The following SLIT3 variants were observed in gnomAD, a reference collection of about 807,000 sequenced individuals.
SLIT3 encodes the protein slit homolog 3 protein.
A neutral mutation model predicts 184.0 loss-of-function variants in SLIT3; 68 were observed. That is an observed-to-expected ratio of 0.37 (90% CI 0.30 to 0.45). SLIT3 has a LOEUF of 0.45. SLIT3 is among the 20% of genes least tolerant of loss of function. The pLI is 1.00. For missense variants in SLIT3, 1,707 were observed against 2,026.0 expected (o/e 0.84, Z 3.02); for synonymous variants, 831 against 828.6 (o/e 1.00, Z -0.05).
In SLIT3 at chr5:169,275,574, C is replaced by T. The variant is rs142846321; in HGVS notation, c.198-24115G>A. ...AAGGAGGTTTAATTGGACTTCCACA[C>T]GGTAGGGGCAGTCTCATAATCATGG... is the stretch of plus-strand genomic sequence containing the variant. On this transcript the variant is annotated intron_variant, in intron 1 of 35. Transcript: ENST00000519560. Among the ~76,000 whole-genome samples, 57 of 152,272 alleles carry T rather than the reference C, an allele frequency of 3.7e-4. No homozygotes were observed. In the East Asian group the frequency reaches 4.8e-3, roughly 13 times the overall value.
chr5:168,974,532 CTG>C (rs1274823598), intron 4 of SLIT3, among the ~76,000 whole-genome samples: 1 of 152,206 alleles, frequency 6.6e-6, no homozygotes, highest in Non-Finnish European at 1.5e-5. Context: ...TTTCATATCA[CTG>C]TGGCTTTAGA....
At chr5:169,192,423 C>A (rs1026137216) in intron 4 of SLIT3, among the ~76,000 whole-genome samples, 1 of 148,278 alleles carries the variant, frequency 6.7e-6, no homozygotes, top group East Asian at 2.0e-4. Context: ...TATATAGTCT[C>A]TGTGTGTGTG....
intron 4 of SLIT3, among the ~76,000 whole-genome samples, chr5:169,037,382 C>T (rs1757292081): frequency 6.6e-6 from 1 of 152,202 alleles, no homozygotes; most frequent in African/African-American, 2.4e-5. Context: ...CTAAGCAGCA[C>T]AGGCTCTGTT....
At chr5:168,913,818 C>A (rs532630989) in intron 4 of SLIT3, among the ~76,000 whole-genome samples, 6 of 152,030 alleles carry the variant, frequency 3.9e-5, no homozygotes, top group African/African-American at 1.2e-4. Context: ...ATATCTTTCT[C>A]CCCCACTCTG....
At chr5:168,779,846 G>A (rs2113558577) in intron 12 of SLIT3, among the ~76,000 whole-genome samples, 1 of 152,304 alleles carries the variant, frequency 6.6e-6, no homozygotes, top group East Asian at 1.9e-4. Flanking sequence ...CAGGTAACAT[G>A]GGGAGATGGC....
chr5:168,985,309 T>C (rs1398798735), intron 4 of SLIT3, among the ~76,000 whole-genome samples: 1 of 152,158 alleles, frequency 6.6e-6, no homozygotes, highest in Non-Finnish European at 1.5e-5. Context: ...CTTCCAAGGT[T>C]ATCCTGCCCA....
chr5:168,796,077 C>T (rs1436511922), intron 9 of SLIT3, among the ~76,000 whole-genome samples: 1 of 152,172 alleles, frequency 6.6e-6, no homozygotes, highest in African/African-American at 2.4e-5. Flanking sequence ...TTTCCATGGG[C>T]TGTTTTAATA....
chr5:168,832,144 G>A (rs919965779), intron 6 of SLIT3, among the ~76,000 whole-genome samples: 1 of 152,170 alleles, frequency 6.6e-6, no homozygotes, highest in Non-Finnish European at 1.5e-5. Context: ...GATGGCCTTG[G>A]TCTCCCAATT....
At chr5:168,773,279 G>C (rs1052391037) in intron 13 of SLIT3, among the ~76,000 whole-genome samples, 1 of 152,178 alleles carries the variant, frequency 6.6e-6, no homozygotes, top group Non-Finnish European at 1.5e-5. Flanking sequence ...GTTTGCACTT[G>C]GGGTAGAATG....
At chr5:168,962,349 C>CACACACACACACACG (rs1561576430) in intron 4 of SLIT3, among the ~76,000 whole-genome samples, 5 of 151,920 alleles carry the variant, frequency 3.3e-5, no homozygotes, top group African/African-American at 1.2e-4. Context: ...CACACACACA[C>CACACACACACACACG]AGTGGTACCC....
At position 168,893,409 on chromosome 5, in the gene SLIT3, CT is replaced by C. The variant is rs1177135395; in HGVS notation, c.414-10074del. Among the ~76,000 whole-genome samples, 3 of 152,260 alleles carry C rather than the reference CT, an allele frequency of 2.0e-5. No homozygotes were observed. In the East Asian group the frequency reaches 5.8e-4, roughly 29 times the overall value. ...TGGCAGCCATCTGAGGCTTTCATCC[CT>C]AATTTGATTGTCATAGCTAACACTG... On this transcript the variant is annotated intron_variant, in intron 4 of 35. Coordinates refer to ENST00000519560, the MANE Select transcript of SLIT3 (RefSeq NM_003062.4).
chr5:169,159,833 A>C (rs1762423766), intron 4 of SLIT3, among the ~76,000 whole-genome samples: 1 of 152,198 alleles, frequency 6.6e-6, no homozygotes, highest in South Asian at 2.1e-4. Context: ...GATATAAGCA[A>C]AAGTGCTACA....
intron 3 of SLIT3, among the ~76,000 whole-genome samples, chr5:169,205,474 T>C (rs1764037437): frequency 6.6e-6 from 1 of 152,222 alleles, no homozygotes. Context: ...TACTAGGATA[T>C]CCATTCAAAT....
intron 16 of SLIT3, among the ~76,000 whole-genome samples, chr5:168,757,827 C>T (rs1233731679): frequency 3.3e-5 from 5 of 152,238 alleles, no homozygotes; most frequent in Admixed American, 2.0e-4. Context: ...CCCAGTACCA[C>T]AGCCATGTCT....
intron 3 of SLIT3, among the ~76,000 whole-genome samples, chr5:169,232,375 C>T (rs1220339687): frequency 6.6e-6 from 1 of 152,068 alleles, no homozygotes; most frequent in Admixed American, 6.6e-5. Flanking sequence ...CAGGCACATG[C>T]CACCACACCT....
chr5:169,256,253 T>C (rs1345831548), intron 1 of SLIT3, among the ~76,000 whole-genome samples: 1 of 152,146 alleles, frequency 6.6e-6, no homozygotes, highest in Non-Finnish European at 1.5e-5. Context: ...AGTTCAAGAC[T>C]GGACTGGGCA....
chr5:169,186,896 G>A (rs1336713841), intron 4 of SLIT3, among the ~76,000 whole-genome samples: 2 of 152,118 alleles, frequency 1.3e-5, no homozygotes, highest in Admixed American at 6.5e-5. Context: ...CCAGTGACTT[G>A]GGGCTAAGTT....
Position 168,752,975 on chromosome 5 carries a change from C to A in SLIT3, c.1953G>T (p.Thr651=). The part of the protein sequence containing the change: ...ITTITPGAFT[T]LVSLSTINLL... ...CTTACATGGTGGACAGGGAGACAAGCGTGGTGAAGGCCCCAGGGGTGATGG... is the reference window on the plus strand; with the variant it reads ...CTTACATGGTGGACAGGGAGACAAGAGTGGTGAAGGCCCCAGGGGTGATGG... The change falls in exon 18 of 36, where the codon ACG becomes ACT. Residue 651 remains threonine, a synonymous_variant. Coordinates refer to ENST00000519560, the MANE Select transcript of SLIT3 (RefSeq NM_003062.4). The A allele has an allele frequency of 6.2e-7, 1 of 1,614,004 alleles. No individual in the cohort carries two copies. The highest frequency in any genetic ancestry group is 8.5e-7 in the Non-Finnish European group (1 of 1,179,976).
At chr5:168,987,954 C>T (rs1224699894) in intron 4 of SLIT3, among the ~76,000 whole-genome samples, 1 of 152,214 alleles carries the variant, frequency 6.6e-6, no homozygotes, top group Non-Finnish European at 1.5e-5. Context: ...ACAGCTGAAG[C>T]AGATCAAACA....
Sources: allele counts gnomAD v4.1 joint callset (sites outside exome capture counted in the v4.1 genomes callset), GRCh38; gene constraint gnomAD v4.1.1; transcripts MANE v1.5; gene names NCBI Gene and HGNC (gene_info 2026-07-23, HGNC 2026-07-21).